Variants in ZNF730 observed in about 807,000 individuals in gnomAD.
The protein encoded by ZNF730 is zinc finger protein 730, also known as putative zinc finger protein 730.
In ZNF730, 12 loss-of-function variants were observed where a neutral mutation model predicts 12.6. That is an observed-to-expected ratio of 0.95 (90% confidence interval 0.61 to 1.54). The LOEUF is 1.54. Among genes scored for constraint, ZNF730 ranks in the 40% most tolerant of loss-of-function variants. ZNF730 has a pLI of 0.00. For missense variants in ZNF730, 643 were observed against 583.5 expected (o/e 1.10, Z -1.05); for synonymous variants, 194 against 195.8 (o/e 0.99, Z 0.08).
intron 1 of ZNF730, among the ~76,000 whole-genome samples, chr19:23,090,623 A>T (rs753991066): frequency 9.9e-5 from 15 of 152,154 alleles, no homozygotes; most frequent in Admixed American, 5.2e-4. Context: ...AATCCCCAAG[A>T]CCATGGGGAA....
Position 23,147,006 on chromosome 19 carries a change from A to G in ZNF730, c.*450A>G, listed in dbSNP as rs1306283170. On this transcript the variant is annotated 3_prime_UTR_variant, in exon 4 of 4. Coordinates refer to ENST00000597761, the MANE Select transcript of ZNF730 (RefSeq NM_001277403.2). The stretch of plus-strand genomic sequence containing the variant: ...GTGACAAAGCCATTAAATTGTTGTC[A>G]CATTTAATTGTAGGTAAGGTGATTC... The G allele has an allele frequency of 1.5e-5, 5 of 327,012 alleles. No homozygotes were observed. Among genetic ancestry groups the G allele is most frequent in the Non-Finnish European group, 2.3e-5 (4 of 172,148 alleles). The allele number at this position is 327,012 out of a possible 1,614,324, so 20.3% of individuals were successfully genotyped here. A position where few individuals can be genotyped will look rare whatever the true frequency, so the allele number is the denominator to read the frequency against.
chr19:23,110,237 C>T (rs2145571048), intron 1 of ZNF730, among the ~76,000 whole-genome samples: 1 of 130,470 alleles, frequency 7.7e-6, no homozygotes, highest in East Asian at 2.4e-4. Flanking sequence ...TCCCAAAGTG[C>T]TGGGATTACA....
At chr19:23,112,124 T>A (rs1970467755), upstream of ZNF730, among the ~76,000 whole-genome samples, 1 of 152,122 alleles carries the variant, frequency 6.6e-6, no homozygotes, top group Non-Finnish European at 1.5e-5. Flanking sequence ...GAAAGCTGGG[T>A]TGATAATCTC....
At chr19:23,083,067 G>A (rs1010371566) in intron 1 of ZNF730, among the ~76,000 whole-genome samples, 5 of 152,058 alleles carry the variant, frequency 3.3e-5, no homozygotes, top group Admixed American at 1.3e-4. Flanking sequence ...TTTATAAATA[G>A]TGCTGCAATA....
chr19:23,137,888 G>A (rs1318763613), intron 3 of ZNF730, among the ~76,000 whole-genome samples: 2 of 152,226 alleles, frequency 1.3e-5, no homozygotes, highest in African/African-American at 2.4e-5. Context: ...TTTGGGCAGA[G>A]TGAATATCCT....
At position 23,082,955 on chromosome 19, in the gene ZNF730, T is replaced by G. The variant is rs909029030; in HGVS notation, c.-94+7568T>G. On this transcript the variant is annotated intron_variant, in intron 1 of 2. Transcript: ENST00000593635. ...GTCAGGTCATCTGCCCACCTCAGGCTTCGAAAGTGCTGGGATTACAGGTGT... is the reference window on the plus strand; with the variant it reads ...GTCAGGTCATCTGCCCACCTCAGGCGTCGAAAGTGCTGGGATTACAGGTGT... 3.3e-5 allele frequency among the ~76,000 whole-genome samples: 5 copies of G among 152,256 alleles called. No individual in the cohort carries two copies. The East Asian group carries it at 9.7e-4, about 30-fold the overall frequency.
intron 1 of ZNF730, chr19:23,127,579 T>C (rs1970685864): frequency 2.2e-6 from 2 of 926,346 alleles, no homozygotes; most frequent in Non-Finnish European, 1.8e-6. Flanking sequence ...GCCAGATAAA[T>C]TGCTCATGTT....
At chr19:23,140,042 C>T (rs1007254025) in intron 3 of ZNF730, among the ~76,000 whole-genome samples, 1 of 151,696 alleles carries the variant, frequency 6.6e-6, no homozygotes, top group African/African-American at 2.4e-5. Flanking sequence ...ATAAATCAGC[C>T]ATATGTTTAT....
At chr19:23,083,496 G>A (rs1006652916) in intron 1 of ZNF730, among the ~76,000 whole-genome samples, 1 of 151,928 alleles carries the variant, frequency 6.6e-6, no homozygotes, top group South Asian at 2.1e-4. Flanking sequence ...TTAATTATTC[G>A]AGGAACCTCC....
intron 1 of ZNF730, among the ~76,000 whole-genome samples, chr19:23,085,252 GTCT>G (rs1456464918): frequency 1.3e-5 from 2 of 152,000 alleles, no homozygotes; most frequent in Non-Finnish European, 2.9e-5. Flanking sequence ...TCACACATAA[GTCT>G]TCTTTTTAAA....
At chr19:23,125,280 A>T (rs1046178689) in intron 1 of ZNF730, among the ~76,000 whole-genome samples, 5 of 152,176 alleles carry the variant, frequency 3.3e-5, no homozygotes, top group Admixed American at 3.3e-4. Flanking sequence ...TGATGAAAAG[A>T]TACCTGAAAA....
chr19:23,111,747 C>G (rs1329995190), intron 1 of ZNF730, among the ~76,000 whole-genome samples: 1 of 124,582 alleles, frequency 8.0e-6, no homozygotes, highest in Non-Finnish European at 1.7e-5. Context: ...GACTCCGTCT[C>G]AAAAAAAAAA....
chr19:23,078,404 G>A (rs941123337), intron 1 of ZNF730, among the ~76,000 whole-genome samples: 2 of 152,126 alleles, frequency 1.3e-5, no homozygotes, highest in Non-Finnish European at 2.9e-5. Flanking sequence ...AGACATGCTG[G>A]CGGCACTACT....
rs1970994744 is a variant in ZNF730 at position 23,145,685 on chromosome 19, C to T, written c.641C>T (p.Ser214Leu). 6.4e-7 allele frequency: 1 copy of T among 1,556,472 alleles called. No individual in the cohort carries two copies. The highest frequency in any genetic ancestry group is 1.4e-5 in the African/African-American group (1 of 73,342). Residue 214 changes from serine (S) to leucine (L), a missense_variant, in exon 4 of 4, where the codon TCA becomes TTA. Transcript: ENST00000597761. ...EEYGKAFNES[S>L]NCTTHKRITE... ...TATGGCAAAGCCTTTAATGAGTCCT[C>T]AAACTGTACTACACATAAAAGAATT...
At chr19:23,086,637 T>C (rs1599567920) in intron 1 of ZNF730, among the ~76,000 whole-genome samples, 1 of 151,636 alleles carries the variant, frequency 6.6e-6, no homozygotes, top group African/African-American at 2.4e-5. Context: ...TTCTGTTCCA[T>C]TGGTCTGTTT....
chr19:23,079,681 T>C (rs1969931381), intron 1 of ZNF730, among the ~76,000 whole-genome samples: 1 of 152,196 alleles, frequency 6.6e-6, no homozygotes, highest in Non-Finnish European at 1.5e-5. Flanking sequence ...AAGTATTAAG[T>C]GCAGTCCTGT....
intron 3 of ZNF730, among the ~76,000 whole-genome samples, chr19:23,137,569 T>C (rs1970852438): frequency 6.6e-6 from 1 of 152,262 alleles, no homozygotes; most frequent in Admixed American, 6.5e-5. Flanking sequence ...TTTAAAAATT[T>C]ATTTTGACTA....
chr19:23,112,994 A>T (rs1364953335), upstream of ZNF730, among the ~76,000 whole-genome samples: 1 of 152,228 alleles, frequency 6.6e-6, no homozygotes. Flanking sequence ...ATAGGGCTTT[A>T]TAGCAGATTG....
chr19:23,076,793 C>A (rs1387955231), intron 1 of ZNF730, among the ~76,000 whole-genome samples: 3 of 152,056 alleles, frequency 2.0e-5, no homozygotes, highest in Admixed American at 1.3e-4. Flanking sequence ...CCTCAGAGAC[C>A]TAGAGAAAGC....
Sources: gnomAD v4.1 joint callset for allele counts (sites outside exome capture counted in the v4.1 genomes callset) on GRCh38, gnomAD v4.1.1 for gene constraint, MANE v1.5 for transcripts, NCBI Gene and HGNC (gene_info 2026-07-23, HGNC 2026-07-21) for gene names.